The following LDLRAD3 variants were observed in gnomAD, a reference collection of about 807,000 sequenced individuals.
LDLRAD3 encodes low-density lipoprotein receptor class A domain-containing protein 3.
Under a neutral mutation model 29.4 loss-of-function variants are expected in LDLRAD3, and 20 were observed. The observed-to-expected ratio is 0.68, with a 90% confidence interval of 0.48 to 0.99. The LOEUF (loss-of-function observed/expected upper bound fraction) is 0.99, where lower values mean the gene tolerates loss of function less well. LDLRAD3 is among the 50% of genes least tolerant of loss of function. The probability of loss-of-function intolerance (pLI) is 0.00; values close to 1 mark genes in which losing one functional copy is unlikely to be tolerated. For missense variants in LDLRAD3, 420 were observed against 454.3 expected (o/e 0.92, Z 0.69); for synonymous variants, 157 against 192.7 (o/e 0.81, Z 1.53).
rs138474115 is a variant in LDLRAD3, at chr11:36,159,065, G to C, written c.454+60604G>C. On this transcript the variant is annotated intron_variant, in intron 4 of 5. Transcript: ENST00000315571. The stretch of plus-strand genomic sequence containing the variant: ...GTGTTGGCTGCTTTCTTAAATTGTG[G>C]AAATTAAAGGAAGGGCTGAACTGTT... Among the ~76,000 whole-genome samples, 63 of 152,268 alleles carry C rather than the reference G, an allele frequency of 4.1e-4. 1 individual carries two copies. Among genetic ancestry groups the C allele is most frequent in the African/African-American group, 1.4e-3 (59 of 41,546 alleles).
rs568385795 is a variant in LDLRAD3, at chr11:36,145,444, G to A, written c.454+46983G>A. ...CGGGAGGTGAGGGGCGCCTCTGCCC[G>A]GCCGCCCCTACTGGGAAGTGAGGAG... On this transcript the variant is annotated intron_variant, in intron 4 of 5. Transcript: ENST00000315571. 4.2e-3 allele frequency among the ~76,000 whole-genome samples: 484 copies of A among 115,366 alleles called. 37 individuals carry two copies. Among genetic ancestry groups the A allele is most frequent in the Non-Finnish European group, 5.9e-3 (326 of 55,612 alleles). The allele number at this position is 115,366 out of a possible 152,430, so 75.7% of individuals were successfully genotyped here.
At chr11:36,037,079 G>A (rs1852314258) in intron 2 of LDLRAD3, among the ~76,000 whole-genome samples, 2 of 152,178 alleles carry the variant, frequency 1.3e-5, no homozygotes, top group African/African-American at 4.8e-5. Context: ...CTGTGTGGTT[G>A]TCCTCCTGGG....
chr11:36,191,774 T>A (rs985211791), intron 4 of LDLRAD3, among the ~76,000 whole-genome samples: 19 of 151,944 alleles, frequency 1.3e-4, no homozygotes, highest in African/African-American at 4.6e-4. Context: ...GAAACTTTTG[T>A]TTTCCCAGGA....
chr11:36,052,557 G>A (rs1246729144), intron 2 of LDLRAD3, among the ~76,000 whole-genome samples: 2 of 152,200 alleles, frequency 1.3e-5, no homozygotes, highest in Non-Finnish European at 2.9e-5. Context: ...AGTGTGTGGA[G>A]TGCTTGAAAA....
At chr11:36,077,373 T>C (rs949279832) in intron 2 of LDLRAD3, among the ~76,000 whole-genome samples, 1 of 152,166 alleles carries the variant, frequency 6.6e-6, no homozygotes, top group Non-Finnish European at 1.5e-5. Context: ...CAACTGGAAA[T>C]TTCTGTGGCC....
chr11:36,062,785 G>A (rs1306298395), intron 2 of LDLRAD3, among the ~76,000 whole-genome samples: 3 of 152,150 alleles, frequency 2.0e-5, no homozygotes, highest in Non-Finnish European at 1.5e-5. Flanking sequence ...CACCACGATT[G>A]TAAGTTTCCT....
In LDLRAD3 at chr11:36,102,416, G is replaced by C. The variant is rs534344746; in HGVS notation, c.454+3955G>C. ...CTCCAAGACCAGAAAGAGAGTGCTTGAAATAATTCTCTTCCAATTTGACTA... is the reference window on the plus strand; with the variant it reads ...CTCCAAGACCAGAAAGAGAGTGCTTCAAATAATTCTCTTCCAATTTGACTA... On this transcript the variant is annotated intron_variant, in intron 4 of 5. Transcript: ENST00000315571. Among the ~76,000 whole-genome samples the C allele has an allele frequency of 2.0e-5, 3 of 152,294 alleles. No individual in the cohort carries two copies. In the South Asian group the frequency reaches 6.2e-4, roughly 32 times the overall value.
intron 4 of LDLRAD3, among the ~76,000 whole-genome samples, chr11:36,143,602 T>C (rs1854118849): frequency 6.6e-6 from 1 of 152,170 alleles, no homozygotes. Context: ...TGTTCCAGCC[T>C]TCCTAAGTGT....
intron 2 of LDLRAD3, among the ~76,000 whole-genome samples, chr11:36,049,529 A>G (rs1022887772): frequency 1.3e-5 from 2 of 152,208 alleles, no homozygotes; most frequent in Non-Finnish European, 1.5e-5. Context: ...AGGTAACTGC[A>G]TACCCCTCTT....
intron 4 of LDLRAD3, among the ~76,000 whole-genome samples, chr11:36,143,065 A>C (rs1282257666): frequency 6.6e-6 from 1 of 152,246 alleles, no homozygotes; most frequent in Non-Finnish European, 1.5e-5. Flanking sequence ...AGTGCTTAAC[A>C]TTGCAGATGC....
chr11:35,984,876 C>T (rs539354638), intron 1 of LDLRAD3, among the ~76,000 whole-genome samples: 22 of 152,008 alleles, frequency 1.4e-4, no homozygotes, highest in Admixed American at 3.3e-4. Context: ...GTGATCTGCC[C>T]GCCTTGGCCT....
At chr11:36,024,464 AG>A (rs1031187432) in intron 1 of LDLRAD3, among the ~76,000 whole-genome samples, 24 of 152,126 alleles carry the variant, frequency 1.6e-4, no homozygotes, top group African/African-American at 5.8e-4. Flanking sequence ...AAGCTCAGAG[AG>A]GGTAGCTCAC....
chr11:36,119,036 T>C (rs1490394430), intron 4 of LDLRAD3, among the ~76,000 whole-genome samples: 1 of 152,010 alleles, frequency 6.6e-6, no homozygotes, highest in Non-Finnish European at 1.5e-5. Flanking sequence ...CCCTGGGCCA[T>C]ATTGGAAGAA....
intron 4 of LDLRAD3, among the ~76,000 whole-genome samples, chr11:36,166,897 C>G (rs1416353034): frequency 1.3e-5 from 2 of 152,174 alleles, no homozygotes; most frequent in South Asian, 2.1e-4. Flanking sequence ...TAGCGAGGCT[C>G]TAGTCTACCA....
At chr11:36,188,259 T>G (rs776380677) in intron 4 of LDLRAD3, among the ~76,000 whole-genome samples, 35 of 151,474 alleles carry the variant, frequency 2.3e-4, no homozygotes, top group Non-Finnish European at 4.3e-4. Context: ...TCAAAACTTG[T>G]AGTTTAAAGT....
At chr11:36,202,199 G>A (rs542967817) in intron 4 of LDLRAD3, among the ~76,000 whole-genome samples, 13 of 151,968 alleles carry the variant, frequency 8.6e-5, no homozygotes, top group Non-Finnish European at 1.8e-4. Flanking sequence ...GCACCACCAC[G>A]CCCAGCTAAT....
chr11:35,977,429 T>G (rs1192023644), intron 1 of LDLRAD3, among the ~76,000 whole-genome samples: 1 of 152,058 alleles, frequency 6.6e-6, no homozygotes, highest in Non-Finnish European at 1.5e-5. Context: ...AAGGAAAACA[T>G]ATAATGGGGC....
At chr11:35,997,564 C>A in intron 1 of LDLRAD3, 1 of 318,518 alleles carries the variant, frequency 3.1e-6, no homozygotes, top group South Asian at 3.3e-5. Context: ...ACCTTTTTTG[C>A]AGACATACCC....
intron 1 of LDLRAD3, among the ~76,000 whole-genome samples, chr11:35,981,691 C>T (rs1338083229): frequency 6.6e-6 from 1 of 152,100 alleles, no homozygotes; most frequent in Non-Finnish European, 1.5e-5. Flanking sequence ...TTGCCAAAGT[C>T]GCATTGGCAG....
Sources: gnomAD v4.1 joint callset for allele counts (sites outside exome capture counted in the v4.1 genomes callset) on GRCh38, gnomAD v4.1.1 for gene constraint, MANE v1.5 for transcripts, NCBI Gene and HGNC (gene_info 2026-07-23, HGNC 2026-07-21) for gene names.